The following PLPPR5 variants were observed in gnomAD, a reference collection of about 807,000 sequenced individuals.
PLPPR5 encodes phospholipid phosphatase-related protein type 5.
In PLPPR5, 16 loss-of-function variants were observed where a neutral mutation model predicts 33.9. The observed-to-expected ratio is 0.47, with a 90% confidence interval of 0.32 to 0.72. The LOEUF (loss-of-function observed/expected upper bound fraction) is 0.72, where lower values mean the gene tolerates loss of function less well. Among genes scored for constraint, PLPPR5 ranks in the 30% least tolerant of loss-of-function variants. The pLI is 0.03. For synonymous variants in PLPPR5, 163 were observed against 150.3 expected (o/e 1.08, Z -0.62); for missense variants, 301 against 406.7 (o/e 0.74, Z 2.23).
At chr1:98,928,252 A>G (rs1013425700) in intron 3 of PLPPR5, among the ~76,000 whole-genome samples, 2 of 151,976 alleles carry the variant, frequency 1.3e-5, no homozygotes, top group Non-Finnish European at 2.9e-5. Context: ...AAATGTTAAT[A>G]TATGTTTGAA....
At chr1:98,956,441 A>T (rs1304653898) in intron 2 of PLPPR5, among the ~76,000 whole-genome samples, 168 bp downstream of exon 2, 1 of 152,154 alleles carries the variant, frequency 6.6e-6, no homozygotes, top group Non-Finnish European at 1.5e-5. Flanking sequence ...TTTTGATACA[A>T]CCATCACCCA....
chr1:98,894,014 A>G (rs1648379523), intron 5 of PLPPR5, among the ~76,000 whole-genome samples: 1 of 152,058 alleles, frequency 6.6e-6, no homozygotes, highest in African/African-American at 2.4e-5. Flanking sequence ...AAGTATTTTA[A>G]TTCATCAAAA....
At chr1:98,907,203 C>CT (rs5776440) in intron 5 of PLPPR5, among the ~76,000 whole-genome samples, 59,038 of 131,926 alleles carry the variant, frequency 0.45, 13,794 homozygotes, top group African/African-American at 0.52. Context: ...TATTGTAATC[C>CT]TTTTTTTTTT....
chr1:98,953,656 A>G (rs904234382), intron 2 of PLPPR5, among the ~76,000 whole-genome samples: 3 of 152,128 alleles, frequency 2.0e-5, no homozygotes, highest in African/African-American at 7.2e-5. Context: ...TTGAGAGGGT[A>G]TAGTCTATCA....
intron 3 of PLPPR5, 146 bp from the exon 4 acceptor site, chr1:98,922,204 G>T: frequency 1.2e-6 from 1 of 804,134 alleles, no homozygotes; most frequent in Non-Finnish European, 1.9e-6. Flanking sequence ...TGAAGTTTTT[G>T]AAATCAGTTT....
rs369742823 is a variant in PLPPR5 at position 98,977,775 on chromosome 1, G to C, written c.238-21034C>G. 7.9e-5 allele frequency among the ~76,000 whole-genome samples: 12 copies of C among 151,520 alleles called. No homozygotes were observed. In the East Asian group the frequency reaches 1.2e-3, roughly 15 times the overall value. On this transcript the variant is annotated intron_variant, in intron 1 of 5. Transcript: ENST00000263177. ...AGGTTTATCTTCTGGTAGAGAACTA[G>C]CCTCTGACCCAGAGAAGGCTCTTAA...
chr1:98,890,795 T>C lies in PLPPR5; in HGVS notation c.*2277A>G, dbSNP rs943883062. ...TTCTTCATGACAGCATCACTCACTG[T>C]ACAATCTTGAGCCTATGATGTGTAA... On this transcript the variant is annotated 3_prime_UTR_variant, in exon 6 of 6. Transcript: ENST00000263177. 5 of 152,602 alleles carry C rather than the reference T, an allele frequency of 3.3e-5. No homozygotes were observed. The highest frequency in any genetic ancestry group is 7.4e-5 in the Non-Finnish European group (5 of 68,024). The allele number at this position is 152,602 out of a possible 1,614,324, so 9.5% of individuals were successfully genotyped here. A position where few individuals can be genotyped will look rare whatever the true frequency, so the allele number is the denominator to read the frequency against.
At chr1:98,978,503 C>T (rs909961164) in intron 1 of PLPPR5, among the ~76,000 whole-genome samples, 8 of 152,120 alleles carry the variant, frequency 5.3e-5, no homozygotes, top group African/African-American at 1.2e-4. Context: ...GTAGAAGAAA[C>T]ATGCTCCTTG....
chr1:98,946,576 C>T (rs1650560881), intron 3 of PLPPR5, among the ~76,000 whole-genome samples: 1 of 152,132 alleles, frequency 6.6e-6, no homozygotes. Context: ...TTCTTCTCCC[C>T]CTGTTCAAAT....
At chr1:99,003,073 A>ATATG (rs1359970537) in intron 1 of PLPPR5, among the ~76,000 whole-genome samples, 1 of 135,202 alleles carries the variant, frequency 7.4e-6, no homozygotes, top group Non-Finnish European at 1.6e-5. Context: ...ATATATATAT[A>ATATG]TATATATATA....
chr1:98,922,845 C>T (rs368122146), intron 3 of PLPPR5, among the ~76,000 whole-genome samples: 8 of 152,046 alleles, frequency 5.3e-5, no homozygotes, highest in South Asian at 2.1e-4. Flanking sequence ...ATCAGCTGGG[C>T]GTGGTGGCGG....
chr1:98,921,316 A>G (rs1649544648), intron 4 of PLPPR5, among the ~76,000 whole-genome samples: 1 of 152,146 alleles, frequency 6.6e-6, no homozygotes, highest in African/African-American at 2.4e-5. Context: ...ACTATTCATG[A>G]GTTTTTAGTT....
intron 1 of PLPPR5, among the ~76,000 whole-genome samples, chr1:98,985,205 A>G (rs2100755662): frequency 6.6e-6 from 1 of 152,116 alleles, no homozygotes; most frequent in South Asian, 2.1e-4. Context: ...TGATTGCTGG[A>G]ACATCCTAGG....
intron 1 of PLPPR5, among the ~76,000 whole-genome samples, chr1:98,999,143 C>T (rs1444963189): frequency 6.6e-6 from 1 of 152,108 alleles, no homozygotes; most frequent in Non-Finnish European, 1.5e-5. Flanking sequence ...AATTTCTTAC[C>T]AGCCTTGGAA....
intron 5 of PLPPR5, among the ~76,000 whole-genome samples, chr1:98,905,959 G>C (rs1430095494): frequency 6.6e-6 from 1 of 152,070 alleles, no homozygotes; most frequent in African/African-American, 2.4e-5. Flanking sequence ...AGAATAGATA[G>C]AGTAGGATAG....
At chr1:98,895,604 A>ATATCACC (rs1648443573) in intron 5 of PLPPR5, among the ~76,000 whole-genome samples, 1 of 152,038 alleles carries the variant, frequency 6.6e-6, no homozygotes, top group African/African-American at 2.4e-5. Flanking sequence ...CTATGCAAAA[A>ATATCACC]TATCACCAAG....
chr1:98,991,834 C>T (rs1652461093), intron 1 of PLPPR5, among the ~76,000 whole-genome samples: 1 of 152,012 alleles, frequency 6.6e-6, no homozygotes, highest in Non-Finnish European at 1.5e-5. Context: ...CTTTGCTAAC[C>T]AGATAGCTAA....
intron 3 of PLPPR5, among the ~76,000 whole-genome samples, chr1:98,946,327 C>T (rs1176026711): frequency 6.6e-6 from 1 of 152,166 alleles, no homozygotes; most frequent in South Asian, 2.1e-4. Flanking sequence ...CAAACACAGC[C>T]ATTCTGAAGC....
chr1:98,912,313 T>C (rs1034571760), intron 5 of PLPPR5, among the ~76,000 whole-genome samples: 29 of 152,198 alleles, frequency 1.9e-4, no homozygotes, highest in African/African-American at 6.0e-4. Flanking sequence ...TAAGTCACTA[T>C]AGAAAAGAAA....
Sources: gnomAD v4.1 joint callset for allele counts (sites outside exome capture counted in the v4.1 genomes callset) on GRCh38, gnomAD v4.1.1 for gene constraint, MANE v1.5 for transcripts, NCBI Gene and HGNC (gene_info 2026-07-23, HGNC 2026-07-21) for gene names.